Variants in PTPRM observed in about 807,000 individuals in gnomAD.
PTPRM encodes the protein receptor-type tyrosine-protein phosphatase mu.
A neutral mutation model predicts 186.7 loss-of-function variants in PTPRM; 47 were observed. That is an observed-to-expected ratio of 0.25 (90% CI 0.20 to 0.32). The LOEUF (loss-of-function observed/expected upper bound fraction) is 0.32, where lower values mean the gene tolerates loss of function less well. Among genes scored for constraint, PTPRM ranks in the 10% least tolerant of loss-of-function variants. The pLI, the probability that PTPRM is intolerant of heterozygous loss-of-function variation, is 1.00. For synonymous variants in PTPRM, 668 were observed against 674.9 expected (o/e 0.99, Z 0.16); for missense variants, 1,494 against 1,865.0 (o/e 0.80, Z 3.66).
chr18:7,784,541 G>A (rs2043007790), intron 2 of PTPRM, among the ~76,000 whole-genome samples: 1 of 152,092 alleles, frequency 6.6e-6, no homozygotes, highest in African/African-American at 2.4e-5. Flanking sequence ...AACTTTTCTA[G>A]TGCCAATGAA....
At chr18:8,014,481 C>G (rs541521106) in intron 7 of PTPRM, among the ~76,000 whole-genome samples, 1 of 152,242 alleles carries the variant, frequency 6.6e-6, no homozygotes, top group Admixed American at 6.5e-5. Context: ...TGTATACTCA[C>G]ACACTGAAGG....
intron 13 of PTPRM, among the ~76,000 whole-genome samples, chr18:8,136,534 A>G (rs2092643423): frequency 6.6e-6 from 1 of 152,174 alleles, no homozygotes. Flanking sequence ...TCAGTCTTAT[A>G]TGAAAAATTA....
At chr18:7,787,996 T>G (rs578170583) in intron 2 of PTPRM, among the ~76,000 whole-genome samples, 1 of 152,292 alleles carries the variant, frequency 6.6e-6, no homozygotes, top group Admixed American at 6.5e-5. Context: ...GTTTTGACCT[T>G]GTGGCCTCCC....
At chr18:8,384,463 A>C in intron 29 of PTPRM, 98 bp from the exon 30 acceptor site, 3 of 1,400,962 alleles carry the variant, frequency 2.1e-6, no homozygotes, top group Non-Finnish European at 2.0e-6. Flanking sequence ...ATCTCTTAAA[A>C]AAAAAGGATT....
intron 19 of PTPRM, among the ~76,000 whole-genome samples, chr18:8,271,922 C>T (rs1363875789): frequency 6.6e-6 from 1 of 152,074 alleles, no homozygotes; most frequent in Admixed American, 6.6e-5. Flanking sequence ...AAAGAAATAA[C>T]TTTTGTTGGC....
intron 22 of PTPRM, among the ~76,000 whole-genome samples, chr18:8,330,567 T>A (rs1415820344): frequency 6.6e-6 from 1 of 152,190 alleles, no homozygotes. Flanking sequence ...CATATGAATA[T>A]AGGCTGTTCC....
intron 2 of PTPRM, among the ~76,000 whole-genome samples, chr18:7,785,721 A>T (rs1395293203): frequency 6.6e-6 from 1 of 152,218 alleles, no homozygotes; most frequent in African/African-American, 2.4e-5. Context: ...CCACGTCTGC[A>T]CTTTCTGAGC....
intron 2 of PTPRM, among the ~76,000 whole-genome samples, chr18:7,821,736 A>G (rs2045208653): frequency 6.6e-6 from 1 of 152,178 alleles, no homozygotes; most frequent in African/African-American, 2.4e-5. Context: ...AAACACTGCA[A>G]TACCCCAACA....
At chr18:8,389,812 C>G (rs2095799831) in intron 31 of PTPRM, among the ~76,000 whole-genome samples, 1 of 152,174 alleles carries the variant, frequency 6.6e-6, no homozygotes, top group South Asian at 2.1e-4. Flanking sequence ...GCATGGCATT[C>G]AGCATAGTGT....
intron 14 of PTPRM, among the ~76,000 whole-genome samples, chr18:8,207,091 G>T (rs7232316): frequency 0.5 from 75,618 of 151,934 alleles, 19,425 homozygotes; most frequent in East Asian, 0.84. Flanking sequence ...AAATTTCTCT[G>T]GTTCTGATCC....
chr18:8,324,330 C>T (rs747979182), intron 22 of PTPRM, among the ~76,000 whole-genome samples: 10 of 152,164 alleles, frequency 6.6e-5, no homozygotes, highest in Non-Finnish European at 1.3e-4. Context: ...CGGTTCATCT[C>T]AGGCTGGGTT....
intron 1 of PTPRM, among the ~76,000 whole-genome samples, chr18:7,648,498 C>A (rs1022869312): frequency 6.6e-6 from 1 of 152,086 alleles, no homozygotes; most frequent in African/African-American, 2.4e-5. Flanking sequence ...GCCAGTTAAC[C>A]CAACTGTGAT....
At chr18:7,677,249 G>A (rs1172920086) in intron 1 of PTPRM, among the ~76,000 whole-genome samples, 1 of 152,184 alleles carries the variant, frequency 6.6e-6, no homozygotes, top group Non-Finnish European at 1.5e-5. Flanking sequence ...CTCTGAATAT[G>A]ACCACGGGGA....
chr18:7,723,103 TA>T (rs2040479527), intron 1 of PTPRM, among the ~76,000 whole-genome samples: 2 of 152,112 alleles, frequency 1.3e-5, no homozygotes, highest in Admixed American at 1.3e-4. Flanking sequence ...TTAAGGGAAA[TA>T]GGGGAAATGA....
chr18:8,042,521 G>A (rs1568236842), intron 7 of PTPRM, among the ~76,000 whole-genome samples: 2 of 152,240 alleles, frequency 1.3e-5, no homozygotes, highest in East Asian at 3.9e-4. Context: ...TACAGCAAAT[G>A]CGGTCATTTT....
intron 6 of PTPRM, among the ~76,000 whole-genome samples, chr18:7,952,342 C>A (rs1167877195): frequency 1.3e-5 from 2 of 151,992 alleles, no homozygotes; most frequent in African/African-American, 4.8e-5. Context: ...GATTAAGATT[C>A]TTGCCTTCTC....
At chr18:7,614,020 T>A (rs927188917) in intron 1 of PTPRM, among the ~76,000 whole-genome samples, 2 of 152,212 alleles carry the variant, frequency 1.3e-5, no homozygotes, top group African/African-American at 2.4e-5. Context: ...ATTGCTGATT[T>A]GACTCATTTA....
chr18:7,706,591 G>C lies in PTPRM; in HGVS notation c.74-67558G>C, dbSNP rs532009233. Among the ~76,000 whole-genome samples the C allele has an allele frequency of 5.9e-5, 4 of 67,642 alleles. No individual in the cohort carries two copies. In the South Asian group the frequency reaches 2.2e-3, roughly 38 times the overall value. The allele number at this position is 67,642 out of a possible 152,430, so 44.4% of individuals were successfully genotyped here. ...CACTCCAGCCTGGATGACAGAACAAGACCTTGTCTCAAAAAAAAAAAAAAA... is the reference window on the plus strand; with the variant it reads ...CACTCCAGCCTGGATGACAGAACAACACCTTGTCTCAAAAAAAAAAAAAAA... On this transcript the variant is annotated intron_variant, in intron 1 of 32. Transcript: ENST00000580170.
At chr18:7,988,012 A>C (rs1271025092) in intron 7 of PTPRM, among the ~76,000 whole-genome samples, 1 of 59,296 alleles carries the variant, frequency 1.7e-5, no homozygotes, top group Non-Finnish European at 3.5e-5. Flanking sequence ...CCCTGTGTCT[A>C]CAAAAAAAAA....
Sources: allele counts gnomAD v4.1 joint callset (sites outside exome capture counted in the v4.1 genomes callset), GRCh38; gene constraint gnomAD v4.1.1; transcripts MANE v1.5; gene names NCBI Gene and HGNC (gene_info 2026-07-23, HGNC 2026-07-21).